The following OSBPL10 variants were observed in gnomAD, a reference collection of about 807,000 sequenced individuals.
The protein encoded by OSBPL10 is oxysterol-binding protein-related protein 10.
Under a neutral mutation model 81.7 loss-of-function variants are expected in OSBPL10, and 49 were observed. The ratio of observed to expected loss-of-function variants is 0.60; its 90% confidence interval spans 0.48 to 0.76. The LOEUF (loss-of-function observed/expected upper bound fraction) is 0.76, where lower values mean the gene tolerates loss of function less well. Ranked by LOEUF, OSBPL10 falls within the 30% of genes least tolerant of loss-of-function variation. The probability of loss-of-function intolerance (pLI) is 0.00; values close to 1 mark genes in which losing one functional copy is unlikely to be tolerated. For synonymous variants in OSBPL10, 419 were observed against 383.6 expected (o/e 1.09, Z -1.08); for missense variants, 923 against 987.8 (o/e 0.93, Z 0.88).
rs769958696 is a variant in OSBPL10, at chr3:31,924,864, G to A, written c.282-45034C>T. On this transcript the variant is annotated intron_variant, in intron 1 of 11. Coordinates refer to ENST00000396556, the MANE Select transcript of OSBPL10 (RefSeq NM_017784.5). ...AGCAGCAGACTAGAGGCTAGATTTC[G>A]CCCACAGAATATCCTTTGCCAAGTC... Among the ~76,000 whole-genome samples, 8 of 152,174 alleles carry A rather than the reference G, an allele frequency of 5.3e-5. No individual in the cohort carries two copies. In the East Asian group the frequency reaches 9.7e-4, roughly 18 times the overall value.
intron 8 of OSBPL10, among the ~76,000 whole-genome samples, chr3:31,674,517 G>A (rs560291505): frequency 1.1e-4 from 16 of 152,216 alleles, no homozygotes; most frequent in East Asian, 1.9e-4. Flanking sequence ...CCATGGTCAC[G>A]TCACTGCACT....
chr3:31,913,308 G>A (rs541320126), intron 1 of OSBPL10, among the ~76,000 whole-genome samples: 34 of 151,792 alleles, frequency 2.2e-4, no homozygotes, highest in African/African-American at 7.5e-4. Context: ...GAGTACAGTG[G>A]CACGATCTCA....
At chr3:32,047,820 G>A (rs889864959) in intron 1 of OSBPL10, among the ~76,000 whole-genome samples, 1 of 151,928 alleles carries the variant, frequency 6.6e-6, no homozygotes, top group Admixed American at 6.6e-5. Flanking sequence ...CTGCCACTAC[G>A]CCTGGCTAAT....
chr3:31,882,158 C>G (rs903855763), intron 1 of OSBPL10, among the ~76,000 whole-genome samples: 1 of 152,212 alleles, frequency 6.6e-6, no homozygotes, highest in Non-Finnish European at 1.5e-5. Flanking sequence ...ATCTCATTAG[C>G]ACATGACTGC....
In OSBPL10 at chr3:32,062,071, A is replaced by G. The variant is rs1244643428; in HGVS notation, n.185+15325T>C. 7.9e-5 allele frequency among the ~76,000 whole-genome samples: 5 copies of G among 63,480 alleles called. 2 individuals carry two copies. Among genetic ancestry groups the G allele is most frequent in the Non-Finnish European group, 1.9e-4 (4 of 20,772 alleles). The allele number at this position is 63,480 out of a possible 152,430, so 41.6% of individuals were successfully genotyped here. On this transcript the variant is annotated intron_variant and non_coding_transcript_variant, in intron 1 of 3. Transcript: ENST00000479173. ...TTTTTTATAAGGTTCTCTTTAATCT[A>G]TGGTATGGTTTATTGGTTTTTTGTT...
chr3:31,690,607 G>T (rs1324975505), intron 7 of OSBPL10, among the ~76,000 whole-genome samples: 1 of 152,196 alleles, frequency 6.6e-6, no homozygotes, highest in Non-Finnish European at 1.5e-5. Flanking sequence ...TGGACTGAGG[G>T]AATATGGGCT....
In OSBPL10 at chr3:31,762,192, G is replaced by A. The variant is rs181752468; in HGVS notation, c.730-14072C>T. Reference sequence around the variant, plus strand: ...TTCAACAAGCTTATCTAAAGCTCAAGGTCTGGTTTTAACCCAGCATTTAGC... The same window carrying A: ...TTCAACAAGCTTATCTAAAGCTCAAAGTCTGGTTTTAACCCAGCATTTAGC... On this transcript the variant is annotated intron_variant, in intron 4 of 11. Coordinates refer to ENST00000396556, the MANE Select transcript of OSBPL10 (RefSeq NM_017784.5). 1.4e-4 allele frequency among the ~76,000 whole-genome samples: 21 copies of A among 152,214 alleles called. No individual in the cohort carries two copies. In the East Asian group the frequency reaches 4.1e-3, roughly 29 times the overall value.
chr3:31,842,926 T>A (rs566747088), intron 3 of OSBPL10, among the ~76,000 whole-genome samples: 73 of 152,320 alleles, frequency 4.8e-4, no homozygotes, highest in Admixed American at 1.2e-3. Context: ...TTGGGGATAT[T>A]CCTAAAACTT....
intron 1 of OSBPL10, among the ~76,000 whole-genome samples, chr3:31,925,175 T>C (rs1260849292): frequency 1.3e-5 from 2 of 152,114 alleles, no homozygotes; most frequent in Admixed American, 6.5e-5. Flanking sequence ...CTGGAACTTC[T>C]CAAGGGCCAG....
At chr3:32,052,970 C>CA (rs34352495) in intron 1 of OSBPL10, among the ~76,000 whole-genome samples, 109,239 of 151,536 alleles carry the variant, frequency 0.72, 40,896 homozygotes, top group East Asian at 0.91. Flanking sequence ...ACAGAACAAT[C>CA]AAAAAAAAAT....
chr3:31,737,287 CA>C (rs987965428), intron 5 of OSBPL10, among the ~76,000 whole-genome samples: 9 of 151,622 alleles, frequency 5.9e-5, no homozygotes, highest in Non-Finnish European at 1.2e-4. Flanking sequence ...GAGACGAAGG[CA>C]AAAAAACATT....
chr3:31,983,080 A>T (rs1698881503), upstream of OSBPL10, among the ~76,000 whole-genome samples: 1 of 152,218 alleles, frequency 6.6e-6, no homozygotes, highest in Non-Finnish European at 1.5e-5. Context: ...GCAGATCCTA[A>T]GCCAGTTAGT....
chr3:31,981,687 A>AG (rs1044226691), upstream of OSBPL10: 1 of 152,738 alleles, frequency 6.5e-6, no homozygotes, highest in Non-Finnish European at 1.5e-5. This position sits in a 1 kb window ranked among gnomAD's most constrained non-coding sequence, Gnocchi z 4.5. Context: ...ACCTGGAGGG[A>AG]GGGGCAGCCC....
intron 10 of OSBPL10, chr3:31,664,641 C>A (rs1179627108): frequency 9.5e-6 from 2 of 209,794 alleles, no homozygotes; most frequent in East Asian, 2.3e-4. Flanking sequence ...AGATTCTTAT[C>A]TCCATTTTAC....
At chr3:31,744,714 C>A (rs1171905667) in intron 5 of OSBPL10, among the ~76,000 whole-genome samples, 1 of 151,698 alleles carries the variant, frequency 6.6e-6, no homozygotes, top group Non-Finnish European at 1.5e-5. Context: ...CCCGTCACCA[C>A]CTCTGAAATG....
chr3:32,066,023 A>G (rs533618778), intron 1 of OSBPL10, among the ~76,000 whole-genome samples: 1,765 of 68,272 alleles, frequency 0.026, 651 homozygotes, highest in Non-Finnish European at 0.052. Flanking sequence ...GAAAGAAAGA[A>G]AGAGAGAGAG....
intron 3 of OSBPL10, among the ~76,000 whole-genome samples, chr3:31,854,484 G>C (rs777116251): frequency 1.3e-5 from 2 of 152,068 alleles, no homozygotes; most frequent in African/African-American, 4.8e-5. Flanking sequence ...ACATGGAAAT[G>C]ATTAATAGGT....
At chr3:31,762,952 CA>C in intron 4 of OSBPL10, among the ~76,000 whole-genome samples, 1 of 152,178 alleles carries the variant, frequency 6.6e-6, no homozygotes, top group East Asian at 1.9e-4. Flanking sequence ...CAAAGGCTCA[CA>C]TACACACTCT....
intron 9 of OSBPL10, among the ~76,000 whole-genome samples, chr3:31,670,348 T>C (rs941170471): frequency 6.6e-6 from 1 of 152,226 alleles, no homozygotes; most frequent in Non-Finnish European, 1.5e-5. Flanking sequence ...TTCAATTACT[T>C]AGGCTTGGGC....
Sources: gnomAD v4.1 joint callset for allele counts (sites outside exome capture counted in the v4.1 genomes callset) on GRCh38, gnomAD v4.1.1 for gene constraint, Gnocchi (gnomAD v3.1) non-coding constraint, MANE v1.5 for transcripts, NCBI Gene and HGNC (gene_info 2026-07-23, HGNC 2026-07-21) for gene names.